The following SLC24A3 variants were observed in gnomAD, a reference collection of about 807,000 sequenced individuals.
The protein encoded by SLC24A3 is solute carrier family 24 member 3, also known as sodium/potassium/calcium exchanger 3.
SLC24A3 carries 28 observed loss-of-function variants against 75.8 expected under a neutral mutation model. That is an observed-to-expected ratio of 0.37 (90% CI 0.27 to 0.51). The LOEUF (loss-of-function observed/expected upper bound fraction) is 0.51, where lower values mean the gene tolerates loss of function less well. Ranked by LOEUF, SLC24A3 falls within the 20% of genes least tolerant of loss-of-function variation. The pLI is 0.94. For missense variants in SLC24A3, 663 were observed against 847.8 expected (o/e 0.78, Z 2.71); for synonymous variants, 372 against 334.1 (o/e 1.11, Z -1.24).
intron 3 of SLC24A3, among the ~76,000 whole-genome samples, chr20:19,568,747 ATTATG>A (rs1600284008): frequency 6.6e-6 from 1 of 152,200 alleles, no homozygotes; most frequent in African/African-American, 2.4e-5. Flanking sequence ...AAAATGGTAA[ATTATG>A]TTATGCCTAT....
intron 1 of SLC24A3, among the ~76,000 whole-genome samples, chr20:19,224,828 A>G (rs898423878): frequency 8.5e-5 from 13 of 152,218 alleles, no homozygotes; most frequent in African/African-American, 2.9e-4. Flanking sequence ...AAAAAATGCC[A>G]GAAAGTTAAG....
chr20:19,321,772 G>A (rs544178792), intron 2 of SLC24A3, among the ~76,000 whole-genome samples: 1 of 152,180 alleles, frequency 6.6e-6, no homozygotes, highest in Admixed American at 6.5e-5. Flanking sequence ...TGTCAATAAT[G>A]TCTAATATAT....
chr20:19,294,589 A>G (rs1600415879), intron 2 of SLC24A3, among the ~76,000 whole-genome samples: 1 of 151,422 alleles, frequency 6.6e-6, no homozygotes, highest in South Asian at 2.1e-4. Context: ...AGCTCCATCC[A>G]TATATATATA....
chr20:19,656,363 C>T (rs2032265301), intron 7 of SLC24A3, among the ~76,000 whole-genome samples: 1 of 140,650 alleles, frequency 7.1e-6, no homozygotes, highest in South Asian at 2.3e-4. Flanking sequence ...AGGGTTAGAA[C>T]CCACCCCACA....
At chr20:19,602,567 C>A (rs1213751589) in intron 6 of SLC24A3, among the ~76,000 whole-genome samples, 2 of 152,180 alleles carry the variant, frequency 1.3e-5, no homozygotes, top group East Asian at 3.8e-4. Flanking sequence ...AACTTCCAAC[C>A]CAGGTCTGGC....
chr20:19,632,330 G>A (rs1431359064), intron 6 of SLC24A3, among the ~76,000 whole-genome samples: 1 of 152,114 alleles, frequency 6.6e-6, no homozygotes, highest in Non-Finnish European at 1.5e-5. Context: ...CTAAAATCGA[G>A]GTGTCGGTAG....
chr20:19,481,330 A>G (rs731495), intron 2 of SLC24A3, among the ~76,000 whole-genome samples: 3,712 of 152,306 alleles, frequency 0.024, 134 homozygotes, highest in African/African-American at 0.077. Flanking sequence ...CACACGTACT[A>G]GTGCTTAGTT....
intron 9 of SLC24A3, among the ~76,000 whole-genome samples, chr20:19,676,886 G>A (rs191444863): frequency 1.3e-5 from 2 of 152,270 alleles, no homozygotes; most frequent in Admixed American, 6.5e-5. Context: ...TGACAGCAGA[G>A]CCCCCTGCCA....
chr20:19,388,816 G>GT (rs1986317847), intron 2 of SLC24A3, among the ~76,000 whole-genome samples: 1 of 152,194 alleles, frequency 6.6e-6, no homozygotes, highest in East Asian at 1.9e-4. Context: ...GTCAGCTCTT[G>GT]TTTTTTTAAT....
chr20:19,282,321 A>C (rs953197894), intron 2 of SLC24A3, among the ~76,000 whole-genome samples: 3 of 152,230 alleles, frequency 2.0e-5, no homozygotes, highest in Non-Finnish European at 2.9e-5. Flanking sequence ...AACAAACAAA[A>C]AAAATACCCT....
intron 4 of SLC24A3, among the ~76,000 whole-genome samples, chr20:19,582,771 G>C (rs2031236916): frequency 1.3e-5 from 2 of 152,210 alleles, no homozygotes; most frequent in Non-Finnish European, 2.9e-5. Flanking sequence ...GAGGCGGGAA[G>C]GGAGAGAGGC....
intron 2 of SLC24A3, among the ~76,000 whole-genome samples, chr20:19,447,406 C>T (rs1403010073): frequency 1.3e-5 from 2 of 151,936 alleles, no homozygotes; most frequent in Non-Finnish European, 1.5e-5. Flanking sequence ...GTGGCTAGTC[C>T]GTCTACTGGA....
intron 2 of SLC24A3, among the ~76,000 whole-genome samples, chr20:19,493,243 G>T (rs1244833231): frequency 6.6e-6 from 1 of 152,194 alleles, no homozygotes; most frequent in African/African-American, 2.4e-5. Context: ...GGTCACATGA[G>T]CAGTCACCAT....
chr20:19,565,485 G>A (rs74709919), intron 3 of SLC24A3, among the ~76,000 whole-genome samples: 4,194 of 152,164 alleles, frequency 0.028, 92 homozygotes, highest in South Asian at 0.087. Context: ...GTTCTGTGGT[G>A]CAATCCACAT....
chr20:19,423,711 C>G (rs1037833517), intron 2 of SLC24A3, among the ~76,000 whole-genome samples: 36 of 152,168 alleles, frequency 2.4e-4, no homozygotes, highest in African/African-American at 8.2e-4. Flanking sequence ...TGTTTAGAGA[C>G]ATCCCTGCCC....
intron 2 of SLC24A3, among the ~76,000 whole-genome samples, chr20:19,341,973 A>G (rs1192138888): frequency 6.6e-6 from 1 of 152,210 alleles, no homozygotes; most frequent in Non-Finnish European, 1.5e-5. Context: ...TTTTTGAAGT[A>G]TTTTTGAAGA....
At chr20:19,618,006 TC>T (rs1352564490) in intron 6 of SLC24A3, among the ~76,000 whole-genome samples, 2 of 152,092 alleles carry the variant, frequency 1.3e-5, no homozygotes, top group Non-Finnish European at 2.9e-5. Context: ...GTTTTTTTTT[TC>T]CTTCTTCACT....
chr20:19,654,038 G>T, intron 6 of SLC24A3, 24 bp from the exon 7 acceptor site: 1 of 1,594,540 alleles, frequency 6.3e-7, no homozygotes, highest in South Asian at 1.1e-5. Context: ...TATCCTGTTT[G>T]ACTTTGTTTC....
intron 2 of SLC24A3, among the ~76,000 whole-genome samples, chr20:19,312,451 G>T (rs1046572709): frequency 5.9e-5 from 9 of 152,146 alleles, no homozygotes; most frequent in Non-Finnish European, 1.5e-5. Flanking sequence ...AACCCAAACA[G>T]TACTGAACTA....
Sources: allele counts gnomAD v4.1 joint callset (sites outside exome capture counted in the v4.1 genomes callset), GRCh38; gene constraint gnomAD v4.1.1; transcripts MANE v1.5; gene names NCBI Gene and HGNC (gene_info 2026-07-23, HGNC 2026-07-21).